The following XYLT2 variants were observed in gnomAD, a reference collection of about 807,000 sequenced individuals.
XYLT2 encodes the protein xylosyltransferase 2, also known as UDP-D-xylose:proteoglycan core protein beta-D-xylosyltransferase.
In XYLT2, 37 loss-of-function variants were observed where a neutral mutation model predicts 82.6. That is an observed-to-expected ratio of 0.45 (90% confidence interval 0.34 to 0.59). The LOEUF is 0.59. Among genes scored for constraint, XYLT2 ranks in the 20% least tolerant of loss-of-function variants. The pLI, the probability that XYLT2 is intolerant of heterozygous loss-of-function variation, is 0.01. For missense variants in XYLT2, 934 were observed against 1,181.3 expected (o/e 0.79, Z 3.07); for synonymous variants, 474 against 499.0 (o/e 0.95, Z 0.67).
rs1203097896 is a variant in XYLT2 at position 50,357,264 on chromosome 17, C to T, written c.1941+12C>T. On this transcript the variant is annotated intron_variant, in intron 9 of 10. Transcript: ENST00000017003. The stretch of plus-strand genomic sequence containing the variant: ...TCCAGAGTCTGGAGGTGGGACAGGT[C>T]CCCCACTTGCTTTCTCCCAACCCCC... 2 of 1,560,562 alleles carry T rather than the reference C, an allele frequency of 1.3e-6. No individual in the cohort carries two copies. The highest frequency in any genetic ancestry group is 8.7e-7 in the Non-Finnish European group (1 of 1,155,844).
At chr17:50,357,965 T>C (rs1350053457) in intron 9 of XYLT2, 1 of 530,470 alleles carries the variant, frequency 1.9e-6, no homozygotes, top group African/African-American at 1.9e-5. Context: ...CCTGCCGTAT[T>C]GTCCCCAATA....
At position 50,354,515 on chromosome 17, in the gene XYLT2, C is replaced by T. The variant is rs1567806172; in HGVS notation, c.736C>T (p.Arg246Cys). Residue 246 changes from arginine (R) to cysteine (C), a missense_variant, in exon 3 of 11, where the codon CGC becomes TGC. Physicochemically the swap from Arg to Cys is radical, Grantham distance 180. Transcript: ENST00000017003. ...GCTGGTGGTTCACGGCCGCGCCATC[C>T]GCCAGCTGAAGCGTCTCCTCAAGGC... ...YMLVVHGRAI[R>C]QLKRLLKAVY... The T allele has an allele frequency of 2.5e-6, 4 of 1,613,528 alleles. No homozygotes were observed. The highest frequency in any genetic ancestry group is 2.2e-5 in the East Asian group (1 of 44,886).
Position 50,358,226 on chromosome 17 carries a change from C to G in XYLT2, c.1961C>G (p.Pro654Arg). Residue 654 changes from proline to arginine, a missense_variant, in exon 10 of 11, where the codon CCC (proline) becomes CGC (arginine). This residue lies in a region of XYLT2 where 374 missense variants were observed against 465.6 expected (regional missense o/e 0.80). Coordinates refer to ENST00000017003, the MANE Select transcript of XYLT2 (RefSeq NM_022167.4). Reference sequence around the variant, plus strand: ...CTACAGGTTGGCACTGATTGGGACCCCAAAGAGCGTCTTTTCCGGAACTTT... The same window carrying G: ...CTACAGGTTGGCACTGATTGGGACCGCAAAGAGCGTCTTTTCCGGAACTTT... ...QSLEVGTDWD[P>R]KERLFRNFGG... 6.2e-7 allele frequency: 1 copy of G among 1,607,758 alleles called. No individual in the cohort carries two copies. The highest frequency in any genetic ancestry group is 1.1e-5 in the South Asian group (1 of 90,540).
Position 50,360,804 on chromosome 17 carries a change from G to A in XYLT2, c.*513G>A, listed in dbSNP as rs1045719315. On this transcript the variant is annotated 3_prime_UTR_variant, in exon 11 of 11. Coordinates refer to ENST00000017003, the MANE Select transcript of XYLT2 (RefSeq NM_022167.4). ...TGGTGCTCGTGGCTGAGGCTCCACA[G>A]GGCTGCAAGTGCCCTGCCAGGCTCT... The A allele has an allele frequency of 2.0e-6, 2 of 986,082 alleles. No individual in the cohort carries two copies. The highest frequency in any genetic ancestry group is 2.4e-6 in the Non-Finnish European group (2 of 830,232). 61.1% of individuals were successfully genotyped at this position (986,082 alleles called of 1,614,324 possible).
chr17:50,360,418 C>T lies in XYLT2; in HGVS notation c.*127C>T. 1.4e-6 allele frequency: 2 copies of T among 1,432,714 alleles called. No homozygotes were observed. Among genetic ancestry groups the T allele is most frequent in the South Asian group, 3.0e-5 (2 of 66,638 alleles). The allele number at this position is 1,432,714 out of a possible 1,614,324, so 88.8% of individuals were successfully genotyped here. A position where few individuals can be genotyped will look rare whatever the true frequency, so the allele number is the denominator to read the frequency against. On this transcript the variant is annotated 3_prime_UTR_variant, in exon 11 of 11. Transcript: ENST00000017003. ...ACACCCATTTCAGCCATCAAGAACC[C>T]ACACAGACGGCAGGGAAGGTGGACA... is the stretch of plus-strand genomic sequence containing the variant.
chr17:50,356,309 C>G, intron 7 of XYLT2, 48 bp downstream of exon 7: 1 of 1,593,664 alleles, frequency 6.3e-7, no homozygotes. Context: ...TCTCCCCTGG[C>G]TTTTCACCAG....
chr17:50,356,924 G>A, intron 8 of XYLT2, 133 bp from the exon 9 acceptor site: 2 of 1,463,110 alleles, frequency 1.4e-6, no homozygotes, highest in South Asian at 2.7e-5. Flanking sequence ...AGCCAGGCAT[G>A]CAGGTGCTGT....
At chr17:50,356,357 G>A (rs1035222127) in intron 7 of XYLT2, 96 bp downstream of exon 7, 22 of 1,553,270 alleles carry the variant, frequency 1.4e-5, no homozygotes, top group Non-Finnish European at 1.8e-5. Flanking sequence ...AATCTGGGGG[G>A]CCACGGCCTG....
chr17:50,348,671 A>G (rs1912136692), intron 1 of XYLT2, among the ~76,000 whole-genome samples: 1 of 152,168 alleles, frequency 6.6e-6, no homozygotes, highest in Non-Finnish European at 1.5e-5. Flanking sequence ...CGAGAAGTCA[A>G]AGGAGGTGGG....
chr17:50,346,302 A>AGGCC lies in XYLT2; in HGVS notation c.135+30_135+33dup. Reference sequence around the variant, plus strand: ...TGCTCCGACGGCCGGGCGGGCGGGCAGGCCGGGCGCGGGGGCGCGCGGGGT... The same window carrying AGGCC: ...TGCTCCGACGGCCGGGCGGGCGGGCAGGCCGGCCGGGCGCGGGGGCGCGCGGGGT... On this transcript the variant is annotated intron_variant, in intron 1 of 10. Transcript: ENST00000017003. This position sits in a 1 kb window ranked among gnomAD's most constrained non-coding sequence, Gnocchi z 5.1. 2.9e-6 allele frequency: 3 copies of AGGCC among 1,049,036 alleles called. No homozygotes were observed. Among genetic ancestry groups the AGGCC allele is most frequent in the Non-Finnish European group, 3.4e-6 (3 of 870,330 alleles). 65.0% of individuals were successfully genotyped at this position (1,049,036 alleles called of 1,614,324 possible).
rs947164891 is a variant in XYLT2 at position 50,360,377 on chromosome 17, C to T, written c.*86C>T. ...GGTGTCCCCTCCCACAGGCAAGAAC[C>T]AGAGGCCCAGGCTGCACACCCATTT... is the stretch of plus-strand genomic sequence containing the variant. On this transcript the variant is annotated 3_prime_UTR_variant, in exon 11 of 11. Coordinates refer to ENST00000017003, the MANE Select transcript of XYLT2 (RefSeq NM_022167.4). The T allele has an allele frequency of 5.5e-6, 8 of 1,448,974 alleles. No individual in the cohort carries two copies. The highest frequency in any genetic ancestry group is 7.3e-6 in the Non-Finnish European group (8 of 1,101,540). 89.8% of individuals were successfully genotyped at this position (1,448,974 alleles called of 1,614,324 possible). A position where few individuals can be genotyped will look rare whatever the true frequency, so the allele number is the denominator to read the frequency against.
intron 9 of XYLT2, chr17:50,357,964 T>C (rs1423492940): frequency 3.8e-6 from 2 of 529,322 alleles, no homozygotes; most frequent in Non-Finnish European, 3.4e-6. Flanking sequence ...CCCTGCCGTA[T>C]TGTCCCCAAT....
Position 50,356,144 on chromosome 17 carries a change from C to T in XYLT2, c.1365C>T (p.Asn455=), listed in dbSNP as rs749305831. 3.1e-6 allele frequency: 5 copies of T among 1,614,238 alleles called. No individual in the cohort carries two copies. The Admixed American group carries it at 8.3e-5, about 27-fold the overall frequency. Residue 455 remains asparagine (N), a synonymous_variant, in exon 7 of 11, where the codon AAC becomes AAT. Transcript: ENST00000017003. ...SLACETLVDN[N]LRVTNWNRKL... Reference sequence around the variant, plus strand: ...CCTGTGAGACCCTCGTGGACAACAACCTGCGGGTCACCAACTGGAACCGCA... The same window carrying T: ...CCTGTGAGACCCTCGTGGACAACAATCTGCGGGTCACCAACTGGAACCGCA...
Position 50,355,807 on chromosome 17 carries a change from G to A in XYLT2, c.1115G>A (p.Arg372Gln), listed in dbSNP as rs779424813. ...SRFIKKQGLD[R>Q]LFHECDSHMW... is the part of the protein sequence containing the mutation. Reference sequence around the variant, plus strand: ...TTCATCAAGAAACAGGGCCTGGACCGGCTCTTCCATGAGTGCGACTCACAC... The same window carrying A: ...TTCATCAAGAAACAGGGCCTGGACCAGCTCTTCCATGAGTGCGACTCACAC... Residue 372 changes from arginine to glutamine, a missense_variant, in exon 6 of 11, where the codon CGG (arginine) becomes CAG (glutamine). Arg to Gln is a conservative substitution (Grantham distance 43). Transcript: ENST00000017003. 2.7e-5 allele frequency: 44 copies of A among 1,614,078 alleles called. No individual in the cohort carries two copies. The highest frequency in any genetic ancestry group is 3.6e-5 in the Non-Finnish European group (42 of 1,180,042).
chr17:50,361,169 T>C lies in XYLT2; in HGVS notation c.*878T>C. ...TCTCTCTACTCTGGGCTCTGTGTTT[T>C]TCCTCCTGGGTGTCAGGAAGCCATC... On this transcript the variant is annotated 3_prime_UTR_variant, in exon 11 of 11. Coordinates refer to ENST00000017003, the MANE Select transcript of XYLT2 (RefSeq NM_022167.4). 1.0e-6 allele frequency: 1 copy of C among 985,168 alleles called. No individual in the cohort carries two copies. The highest frequency in any genetic ancestry group is 1.2e-6 in the Non-Finnish European group (1 of 829,250). 61.0% of individuals were successfully genotyped at this position (985,168 alleles called of 1,614,324 possible).
rs147831067 is a variant in XYLT2, at chr17:50,358,288, G to T, written c.2023G>T (p.Val675Leu). 329 of 1,613,562 alleles carry T rather than the reference G, an allele frequency of 2.0e-4. No homozygotes were observed. The highest frequency in any genetic ancestry group is 2.6e-4 in the Non-Finnish European group (311 of 1,180,020). The change falls in exon 10 of 11, where the codon GTG becomes TTG. Residue 675 changes from valine to leucine, a missense_variant. Val to Leu is a conservative substitution (Grantham distance 32). Coordinates refer to ENST00000017003, the MANE Select transcript of XYLT2 (RefSeq NM_022167.4). ...LLGPLDEPVAVQRWARGPNLT... is the reference protein window; with the variant it reads ...LLGPLDEPVALQRWARGPNLT... ...GGGGCCGCTGGACGAGCCTGTGGCCGTGCAGCGCTGGGCCCGGGGCCCCAA... is the reference window on the plus strand; with the variant it reads ...GGGGCCGCTGGACGAGCCTGTGGCCTTGCAGCGCTGGGCCCGGGGCCCCAA...
rs749710337 is a variant in XYLT2, at chr17:50,356,763, C to G, written c.1735C>G (p.Pro579Ala). Residue 579 changes from proline to alanine, a missense_variant, in exon 8 of 11, where the codon CCA becomes GCA. Coordinates refer to ENST00000017003, the MANE Select transcript of XYLT2 (RefSeq NM_022167.4). ...CACTGCTGCACCCCCAATGGGCACCCCACTCTGCAGGTGAGACCCCCTTCT... is the reference window on the plus strand; with the variant it reads ...CACTGCTGCACCCCCAATGGGCACCGCACTCTGCAGGTGAGACCCCCTTCT... ...AATAAPPMGT[P>A]LCRFEPRGLP... is the part of the protein sequence containing the mutation. 29 of 1,602,816 alleles carry G rather than the reference C, an allele frequency of 1.8e-5. 1 individual carries two copies. Among genetic ancestry groups the G allele is most frequent in the East Asian group, 1.6e-4 (7 of 44,864 alleles).
chr17:50,347,054 A>G (rs1912072651), intron 1 of XYLT2: 3 of 474,844 alleles, frequency 6.3e-6, no homozygotes, highest in Non-Finnish European at 8.3e-6. Flanking sequence ...TCAGCCCCCA[A>G]GTCCCTGCCT....
intron 9 of XYLT2, 138 bp downstream of exon 9, chr17:50,357,390 A>C: frequency 1.2e-6 from 1 of 833,560 alleles, no homozygotes; most frequent in Non-Finnish European, 1.8e-6. Flanking sequence ...CCATGCAGAC[A>C]TCCTGTGTCA....
Sources: allele counts gnomAD v4.1 joint callset (sites outside exome capture counted in the v4.1 genomes callset), GRCh38; gene constraint gnomAD v4.1.1; regional missense constraint gnomAD v4.1.1; non-coding constraint Gnocchi (gnomAD v3.1); transcripts MANE v1.5; gene names NCBI Gene and HGNC (gene_info 2026-07-23, HGNC 2026-07-21).